Variants in MAF observed in about 807,000 individuals in gnomAD.
The protein encoded by MAF is transcription factor Maf.
A neutral mutation model predicts 22.0 loss-of-function variants in MAF; 10 were observed. That is an observed-to-expected ratio of 0.45 (90% confidence interval 0.28 to 0.77). The LOEUF (loss-of-function observed/expected upper bound fraction) is 0.77. Ranked by LOEUF, MAF falls within the 30% of genes least tolerant of loss-of-function variation. The pLI, the probability that MAF is intolerant of heterozygous loss-of-function variation, is 0.12. For missense variants in MAF, 544 were observed against 548.4 expected (o/e 0.99, Z 0.08); for synonymous variants, 337 against 255.8 (o/e 1.32, Z -3.03).
the MAF span, among the ~76,000 whole-genome samples, chr16:79,494,323 C>T: frequency 6.6e-6 from 1 of 152,152 alleles, no homozygotes; most frequent in Admixed American, 6.5e-5. Context: ...TAGCTCCATG[C>T]AGTTGTAGGA....
chr16:79,463,145 T>A, the MAF span, among the ~76,000 whole-genome samples: 1 of 152,188 alleles, frequency 6.6e-6, no homozygotes, highest in Non-Finnish European at 1.5e-5. Flanking sequence ...GAGATGAGCT[T>A]GGCCTGTTTA....
chr16:79,404,513 C>G, the MAF span, among the ~76,000 whole-genome samples: 1 of 152,120 alleles, frequency 6.6e-6, no homozygotes, highest in African/African-American at 2.4e-5. Flanking sequence ...ATGGGTACAT[C>G]GAGGAGAGAC....
chr16:79,214,114 C>T, the MAF span, among the ~76,000 whole-genome samples: 6 of 152,186 alleles, frequency 3.9e-5, no homozygotes, highest in African/African-American at 7.2e-5. Context: ...TCTCTGCTCA[C>T]GTTATCCCTG....
chr16:79,385,516 C>G, the MAF span, among the ~76,000 whole-genome samples: 1 of 152,158 alleles, frequency 6.6e-6, no homozygotes, highest in African/African-American at 2.4e-5. Context: ...TTTTAACGTA[C>G]GCAAGCATGC....
the MAF span, among the ~76,000 whole-genome samples, chr16:79,479,543 G>A: frequency 4.5e-4 from 69 of 152,320 alleles, no homozygotes; most frequent in African/African-American, 1.6e-3. Context: ...GCATTTGCAA[G>A]GGATTGACTC....
At chr16:79,492,163 G>C in the MAF span, among the ~76,000 whole-genome samples, 1 of 152,148 alleles carries the variant, frequency 6.6e-6, no homozygotes, top group Admixed American at 6.5e-5. Flanking sequence ...GGTGCCTAAC[G>C]GTCTGCTCAA....
At chr16:79,418,076 C>T in the MAF span, among the ~76,000 whole-genome samples, 2 of 152,146 alleles carry the variant, frequency 1.3e-5, no homozygotes, top group African/African-American at 2.4e-5. Context: ...CCCTTTTTTA[C>T]ATCTCAAGTG....
At chr16:79,215,901 G>C in the MAF span, among the ~76,000 whole-genome samples, 1 of 152,170 alleles carries the variant, frequency 6.6e-6, no homozygotes, top group African/African-American at 2.4e-5. Flanking sequence ...CCCCGTAACA[G>C]TAGCGATTGC....
the MAF span, among the ~76,000 whole-genome samples, chr16:79,547,535 A>G: frequency 0.034 from 5,250 of 152,208 alleles, 321 homozygotes; most frequent in African/African-American, 0.12. Context: ...ATACTAAAAA[A>G]AAACCTTTGT....
chr16:79,550,192 G>C, the MAF span, among the ~76,000 whole-genome samples: 1 of 152,086 alleles, frequency 6.6e-6, no homozygotes, highest in Non-Finnish European at 1.5e-5. Flanking sequence ...CTTGATGAAT[G>C]GGTGACCATT....
chr16:79,236,808 GCCATCTCCGATGACT>G, the MAF span, among the ~76,000 whole-genome samples: 1 of 151,780 alleles, frequency 6.6e-6, no homozygotes, highest in Non-Finnish European at 1.5e-5. Context: ...AAAAGTGCAC[GCCATCTCCGATGACT>G]CCAGGCCCTC....
chr16:79,428,893 C>A, the MAF span, among the ~76,000 whole-genome samples: 1 of 142,988 alleles, frequency 7.0e-6, no homozygotes, highest in Non-Finnish European at 1.5e-5. Flanking sequence ...AGGGAGAGGA[C>A]CATCCTTGAG....
the MAF span, among the ~76,000 whole-genome samples, chr16:79,293,004 C>T: frequency 2.0e-5 from 3 of 152,206 alleles, no homozygotes; most frequent in African/African-American, 4.8e-5. Context: ...GAATAGTCTA[C>T]TCCTTGTTTA....
the MAF span, among the ~76,000 whole-genome samples, chr16:79,247,011 C>A: frequency 6.6e-6 from 1 of 152,288 alleles, no homozygotes; most frequent in East Asian, 1.9e-4. Context: ...TAAACGAGAA[C>A]ATCAGCTAGT....
At chr16:79,573,656 CT>C in the MAF span, among the ~76,000 whole-genome samples, 1 of 152,134 alleles carries the variant, frequency 6.6e-6, no homozygotes, top group Non-Finnish European at 1.5e-5. Context: ...TCAATGAAAT[CT>C]TAAAATAATT....
At chr16:79,216,310 CAT>C in the MAF span, among the ~76,000 whole-genome samples, 199 of 152,034 alleles carry the variant, frequency 1.3e-3, no homozygotes, top group Non-Finnish European at 2.0e-3. Context: ...ATGTATAACA[CAT>C]ATATGTGGCA....
chr16:79,369,455 GCTCTT>G, the MAF span, among the ~76,000 whole-genome samples: 2 of 152,174 alleles, frequency 1.3e-5, no homozygotes, highest in African/African-American at 4.8e-5. Context: ...AACTAGTTCT[GCTCTT>G]CTCTTTGAGG....
At chr16:79,539,305 C>G in the MAF span, among the ~76,000 whole-genome samples, 2 of 152,186 alleles carry the variant, frequency 1.3e-5, no homozygotes, top group Admixed American at 1.3e-4. Context: ...GGAGTTTAAA[C>G]CAGCCTGGCC....
chr16:79,406,558 C>A, the MAF span, among the ~76,000 whole-genome samples: 1 of 152,114 alleles, frequency 6.6e-6, no homozygotes, highest in Non-Finnish European at 1.5e-5. Flanking sequence ...TTTTAGAAAG[C>A]CACAGATCCC....
Sources: allele counts gnomAD v4.1 joint callset (sites outside exome capture counted in the v4.1 genomes callset), GRCh38; gene constraint gnomAD v4.1.1; transcripts MANE v1.5; gene names NCBI Gene and HGNC (gene_info 2026-07-23, HGNC 2026-07-21).